The following RSRP1 variants were observed in gnomAD, a reference collection of about 807,000 sequenced individuals.
The protein encoded by RSRP1 is arginine and serine rich protein 1, also known as arginine/serine-rich protein 1.
In RSRP1, 37 loss-of-function variants were observed where a neutral mutation model predicts 33.0. The observed-to-expected ratio is 1.12, with a 90% CI of 0.86 to 1.48. The LOEUF is 1.48. RSRP1 is among the 40% of genes most tolerant of loss of function. The probability of loss-of-function intolerance (pLI) is 0.00; values close to 1 mark genes in which losing one functional copy is unlikely to be tolerated. For missense variants in RSRP1, 402 were observed against 385.3 expected (o/e 1.04, Z -0.36); for synonymous variants, 167 against 158.7 (o/e 1.05, Z -0.40).
chr1:25,311,385 C>T lies in RSRP1; in HGVS notation c.-67+26593G>A, dbSNP rs574801509. Among the ~76,000 whole-genome samples the T allele has an allele frequency of 1.5e-4, 19 of 130,642 alleles. 3 individuals are homozygous for T. The East Asian group carries it at 3.3e-3, about 23-fold the overall frequency. 85.7% of individuals were successfully genotyped at this position (130,642 alleles called of 152,430 possible). A position where few individuals can be genotyped will look rare whatever the true frequency, so the allele number is the denominator to read the frequency against. ...AACTAGTACACATAAATTAGCCAGG[C>T]GTGGTGGTGGGCGCCTGTATTCCCA... On this transcript the variant is annotated intron_variant, in intron 1 of 1. Coordinates refer to the RSRP1 transcript ENST00000561867.
chr1:25,249,423 C>T (rs1451837830), upstream of RSRP1, among the ~76,000 whole-genome samples: 1 of 152,122 alleles, frequency 6.6e-6, no homozygotes, highest in African/African-American at 2.4e-5. Flanking sequence ...ACTGCAACCT[C>T]TGCGTACTGG....
intron 1 of RSRP1, among the ~76,000 whole-genome samples, chr1:25,299,082 A>C: frequency 8.0e-6 from 1 of 125,520 alleles, no homozygotes; most frequent in East Asian, 2.0e-4. Context: ...TAAAAAAAAA[A>C]AAAAAAAAAA....
chr1:25,276,526 C>G (rs1226908129), intron 1 of RSRP1, among the ~76,000 whole-genome samples: 1 of 35,924 alleles, frequency 2.8e-5, no homozygotes, highest in Admixed American at 3.2e-4. Flanking sequence ...GACCCCCCCC[C>G]ATCTCTAAAA....
chr1:25,254,791 G>A (rs989192713), intron 1 of RSRP1, among the ~76,000 whole-genome samples: 4 of 152,116 alleles, frequency 2.6e-5, no homozygotes, highest in African/African-American at 9.7e-5. Context: ...ACCAGGGCAA[G>A]CAAAAGGACA....
chr1:25,303,596 G>A lies in RSRP1; in HGVS notation c.-67+34382C>T. 23 of 948,414 alleles carry A rather than the reference G, an allele frequency of 2.4e-5. 3 individuals carry two copies. In the Middle Eastern group the frequency reaches 8.9e-4, roughly 37 times the overall value. The allele number at this position is 948,414 out of a possible 1,614,324, so 58.7% of individuals were successfully genotyped here. A position where few individuals can be genotyped will look rare whatever the true frequency, so the allele number is the denominator to read the frequency against. On this transcript the variant is annotated intron_variant, in intron 1 of 1. Coordinates refer to the RSRP1 transcript ENST00000561867. ...TCTCTTATTGGCTTCAACGCCTAGT[G>A]AGGGATCCATCCTGGCTCGGTGGCG...
chr1:25,263,778 T>A (rs1640231790), intron 1 of RSRP1, among the ~76,000 whole-genome samples: 2 of 152,010 alleles, frequency 1.3e-5, no homozygotes, highest in African/African-American at 4.8e-5. Flanking sequence ...GTCTAATGTC[T>A]CATCTGAGAC....
Position 25,301,349 on chromosome 1 carries a change from G to A in RSRP1, c.-67+36629C>T, listed in dbSNP as rs547494400. Among the ~76,000 whole-genome samples, 51 of 130,152 alleles carry A rather than the reference G, an allele frequency of 3.9e-4. 7 individuals carry two copies. In the South Asian group the frequency reaches 0.012, roughly 31 times the overall value. The allele number at this position is 130,152 out of a possible 152,430, so 85.4% of individuals were successfully genotyped here. ...CTTTGTTTCCTTGTCTGTAAAATGTGGTTAGCTGGTATCAGCTTGAGAGCT... is the reference window on the plus strand; with the variant it reads ...CTTTGTTTCCTTGTCTGTAAAATGTAGTTAGCTGGTATCAGCTTGAGAGCT... On this transcript the variant is annotated intron_variant, in intron 1 of 1. Coordinates refer to the RSRP1 transcript ENST00000561867.
rs967476904 is a variant in RSRP1, at chr1:25,314,723, C to T, written c.-67+23255G>A. 6.1e-5 allele frequency among the ~76,000 whole-genome samples: 8 copies of T among 131,658 alleles called. 4 individuals carry two copies. Among genetic ancestry groups the T allele is most frequent in the Non-Finnish European group, 1.1e-4 (6 of 55,530 alleles). 86.4% of individuals were successfully genotyped at this position (131,658 alleles called of 152,430 possible). A position where few individuals can be genotyped will look rare whatever the true frequency, so the allele number is the denominator to read the frequency against. On this transcript the variant is annotated intron_variant, in intron 1 of 1. Coordinates refer to the RSRP1 transcript ENST00000561867. ...GTTTTGCCATGTTGGACAGGCTGATCTTGGACTCCTGGCCTCAACTTTGGC... is the reference window on the plus strand; with the variant it reads ...GTTTTGCCATGTTGGACAGGCTGATTTTGGACTCCTGGCCTCAACTTTGGC...
At chr1:25,292,357 G>A (rs1642582046) in intron 1 of RSRP1, among the ~76,000 whole-genome samples, 1 of 132,664 alleles carries the variant, frequency 7.5e-6, no homozygotes, top group Admixed American at 7.4e-5. Flanking sequence ...GGAAGCAGGT[G>A]GAGACCAGAG....
At chr1:25,285,151 T>TTTTTTA (rs1641859511) in intron 1 of RSRP1, among the ~76,000 whole-genome samples, 1 of 132,866 alleles carries the variant, frequency 7.5e-6, no homozygotes, top group African/African-American at 2.6e-5. Flanking sequence ...TTTTTTTTTT[T>TTTTTTA]GAGACGGAGT....
Position 25,243,633 on chromosome 1 carries a change from G to C in RSRP1, c.673C>G (p.Leu225Val). ...CCATCTTCTGTTACCTTTTCCGACA[G>C]CTAGACAGGTTAAGAAAAAGTGTAA... ...GVSSNGAKPE[L>V]SEKVTEDGTR... The change falls in exon 4 of 5, where the codon CTG (leucine) becomes GTG (valine). Residue 225 changes from leucine (L) to valine (V), a missense_variant and splice_region_variant. Physicochemically the swap from Leu to Val is conservative, Grantham distance 32. Coordinates refer to ENST00000243189, the MANE Select transcript of RSRP1 (RefSeq NM_020317.5). 4 of 1,613,522 alleles carry C rather than the reference G, an allele frequency of 2.5e-6. No individual in the cohort carries two copies. Among genetic ancestry groups the C allele is most frequent in the Non-Finnish European group, 3.4e-6 (4 of 1,179,688 alleles).
chr1:25,259,693 G>T (rs1297649199), intron 1 of RSRP1, among the ~76,000 whole-genome samples: 1 of 151,700 alleles, frequency 6.6e-6, no homozygotes, highest in Non-Finnish European at 1.5e-5. Flanking sequence ...ACTAGACAGG[G>T]TTTCACCATG....
chr1:25,251,164 C>A (rs1302710043), upstream of RSRP1, among the ~76,000 whole-genome samples: 2 of 152,086 alleles, frequency 1.3e-5, no homozygotes, highest in African/African-American at 4.8e-5. Flanking sequence ...TCGGCCAACA[C>A]ATGGATGAGC....
In RSRP1 at chr1:25,289,632, C is replaced by T. The variant is rs1363972674; in HGVS notation, c.-66-42603G>A. ...AACTCCCAGAGGGAGGAGGGAGTCTCAGAGCAAGCTGCTCAGGGGAGACTG... is the reference window on the plus strand; with the variant it reads ...AACTCCCAGAGGGAGGAGGGAGTCTTAGAGCAAGCTGCTCAGGGGAGACTG... On this transcript the variant is annotated intron_variant, in intron 1 of 1. Coordinates refer to the RSRP1 transcript ENST00000561867. 1.9e-4 allele frequency among the ~76,000 whole-genome samples: 24 copies of T among 125,142 alleles called. 3 individuals carry two copies. The highest frequency in any genetic ancestry group is 4.3e-3 in the Middle Eastern group (1 of 232). The allele number at this position is 125,142 out of a possible 152,430, so 82.1% of individuals were successfully genotyped here.
rs569834727 is a variant in RSRP1 at position 25,307,000 on chromosome 1, G to A, written c.-67+30978C>T. The A allele has an allele frequency of 7.9e-5, 32 of 405,292 alleles. 5 individuals are homozygous for A. Among genetic ancestry groups the A allele is most frequent in the Non-Finnish European group, 1.5e-4 (29 of 196,876 alleles). The allele number at this position is 405,292 out of a possible 1,614,324, so 25.1% of individuals were successfully genotyped here. On this transcript the variant is annotated intron_variant, in intron 1 of 1. Coordinates refer to the RSRP1 transcript ENST00000561867. ...TCTTTTGTGATCCCACAAACACAGA[G>A]CAGGTCAAATAGGCCCAAGCCAATT...
rs113619110 is a variant in RSRP1, at chr1:25,280,584, A to G, written c.-66-33555T>C. Among the ~76,000 whole-genome samples the G allele has an allele frequency of 3.2e-4, 39 of 120,514 alleles. 3 individuals carry two copies. In the South Asian group the frequency reaches 4.7e-3, roughly 14 times the overall value. The allele number at this position is 120,514 out of a possible 152,430, so 79.1% of individuals were successfully genotyped here. On this transcript the variant is annotated intron_variant, in intron 1 of 1. Coordinates refer to the RSRP1 transcript ENST00000561867. Reference sequence around the variant, plus strand: ...GCCTCCCAAAGTGCTAGGATTACAGACATAAGCCACTGTGCCTGGCCTTTT... The same window carrying G: ...GCCTCCCAAAGTGCTAGGATTACAGGCATAAGCCACTGTGCCTGGCCTTTT...
At chr1:25,314,908 T>G (rs1227568646) in intron 1 of RSRP1, among the ~76,000 whole-genome samples, 3 of 131,434 alleles carry the variant, frequency 2.3e-5, no homozygotes, top group East Asian at 3.9e-4. Context: ...TTTATGTCCT[T>G]TTTAAGAATT....
At chr1:25,306,546 G>C in intron 1 of RSRP1, 1 of 1,364,140 alleles carries the variant, frequency 7.3e-7, no homozygotes, top group South Asian at 1.2e-5. Context: ...GGGTGGGTAG[G>C]GAATATGGGT....
At position 25,287,889 on chromosome 1, in the gene RSRP1, A is replaced by C. The variant is rs1271655868; in HGVS notation, c.-66-40860T>G. ...AGGCGCCTGCTACCATGCCCTGCTA[A>C]TTTTTGTATTTTTAGTAGACAAGGG... On this transcript the variant is annotated intron_variant, in intron 1 of 1. Coordinates refer to the RSRP1 transcript ENST00000561867. Among the ~76,000 whole-genome samples the C allele has an allele frequency of 1.6e-5, 2 of 126,228 alleles. 1 individual carries two copies. The highest frequency in any genetic ancestry group is 1.5e-4 in the Admixed American group (2 of 12,936). The allele number at this position is 126,228 out of a possible 152,430, so 82.8% of individuals were successfully genotyped here. A position where few individuals can be genotyped will look rare whatever the true frequency, so the allele number is the denominator to read the frequency against.
Sources: gnomAD v4.1 joint callset for allele counts (sites outside exome capture counted in the v4.1 genomes callset) on GRCh38, gnomAD v4.1.1 for gene constraint, MANE v1.5 for transcripts, NCBI Gene and HGNC (gene_info 2026-07-23, HGNC 2026-07-21) for gene names.